The following LRRC69 variants were observed in gnomAD, a reference collection of about 807,000 sequenced individuals.
LRRC69 encodes leucine rich repeat containing 69.
A neutral mutation model predicts 37.8 loss-of-function variants in LRRC69; 42 were observed. That is an observed-to-expected ratio of 1.11 (90% CI 0.87 to 1.44). LRRC69 has a LOEUF of 1.44. Among genes scored for constraint, LRRC69 ranks in the 40% most tolerant of loss-of-function variants. The pLI is 0.00. For missense variants in LRRC69, 357 were observed against 401.9 expected, an observed-to-expected ratio of 0.89 and a Z score of 0.96; for synonymous variants, 141 against 143.1, an observed-to-expected ratio of 0.99 and a Z score of 0.11.
chr8:91,102,814 A>G (rs1330285267), exon 1 of LRRC69: 3 of 1,551,204 alleles, frequency 1.9e-6, no homozygotes, highest in East Asian at 2.4e-5. Flanking sequence ...TAATCCCCAA[A>G]GTGTGTCCAG....
intron 5 of LRRC69, among the ~76,000 whole-genome samples, chr8:91,183,206 G>C (rs969534378): frequency 6.6e-6 from 1 of 152,154 alleles, no homozygotes; most frequent in Non-Finnish European, 1.5e-5. Flanking sequence ...GTTTTATGTA[G>C]GTGGTGACAT....
intron 3 of LRRC69, among the ~76,000 whole-genome samples, chr8:91,131,833 CAG>C (rs1205201235): frequency 6.6e-6 from 1 of 151,996 alleles, no homozygotes; most frequent in Non-Finnish European, 1.5e-5. Flanking sequence ...CTCACACCTT[CAG>C]AGATTCCTTG....
At chr8:91,188,835 G>GTT (rs575348391) in intron 5 of LRRC69, among the ~76,000 whole-genome samples, 16 of 139,192 alleles carry the variant, frequency 1.1e-4, no homozygotes, top group South Asian at 2.3e-4. Context: ...TCCGTCTTCT[G>GTT]TTTTTTTTTT....
At chr8:91,137,308 T>C (rs1808439721) in intron 5 of LRRC69, among the ~76,000 whole-genome samples, 1 of 152,014 alleles carries the variant, frequency 6.6e-6, no homozygotes, top group Non-Finnish European at 1.5e-5. Flanking sequence ...GCTACTTCTA[T>C]GGTATCTTCT....
At chr8:91,166,371 T>C (rs1206027249) in intron 5 of LRRC69, among the ~76,000 whole-genome samples, 1 of 151,280 alleles carries the variant, frequency 6.6e-6, no homozygotes, top group Non-Finnish European at 1.5e-5. Context: ...TAGAAGGTGG[T>C]ATTATTGCTT....
At chr8:91,164,964 A>G (rs1809003142) in intron 5 of LRRC69, among the ~76,000 whole-genome samples, 1 of 151,698 alleles carries the variant, frequency 6.6e-6, no homozygotes, top group Admixed American at 6.6e-5. Flanking sequence ...TGATCTGTGA[A>G]TTCCTTCCTT....
intron 5 of LRRC69, among the ~76,000 whole-genome samples, chr8:91,153,650 T>C (rs1808781211): frequency 6.6e-6 from 1 of 151,806 alleles, no homozygotes; most frequent in African/African-American, 2.4e-5. Context: ...GAAATCAAAA[T>C]GTTCTTTGGA....
At chr8:91,128,642 CA>C (rs1813758683) in intron 3 of LRRC69, among the ~76,000 whole-genome samples, 1 of 152,010 alleles carries the variant, frequency 6.6e-6, no homozygotes, top group Non-Finnish European at 1.5e-5. Context: ...ATTGTTTTGA[CA>C]GTTAAGCAAA....
At chr8:91,171,092 A>G (rs1014966379) in intron 5 of LRRC69, among the ~76,000 whole-genome samples, 1 of 152,010 alleles carries the variant, frequency 6.6e-6, no homozygotes, top group Non-Finnish European at 1.5e-5. Flanking sequence ...GTGGGTGTAT[A>G]TAATTTTTTT....
At chr8:91,137,700 C>G (rs1808445768) in intron 5 of LRRC69, among the ~76,000 whole-genome samples, 1 of 152,036 alleles carries the variant, frequency 6.6e-6, no homozygotes, top group Non-Finnish European at 1.5e-5. Context: ...TATAAACACT[C>G]TCACATAAGA....
intron 7 of LRRC69, among the ~76,000 whole-genome samples, chr8:91,207,626 G>C (rs999825788): frequency 6.6e-6 from 1 of 152,194 alleles, no homozygotes; most frequent in African/African-American, 2.4e-5. Flanking sequence ...GGCTAGGGAG[G>C]CATTTAGAAT....
chr8:91,114,443 A>ATGTGTGTGTGTGTG (rs768028794), intron 1 of LRRC69, among the ~76,000 whole-genome samples: 2 of 66,896 alleles, frequency 3.0e-5, no homozygotes, highest in African/African-American at 6.1e-5. Context: ...ATGTTTGTGT[A>ATGTGTGTGTGTGTG]TGTGTGTGTG....
chr8:91,171,579 GA>G (rs1208255010), intron 5 of LRRC69, among the ~76,000 whole-genome samples: 2 of 152,044 alleles, frequency 1.3e-5, no homozygotes, highest in African/African-American at 4.8e-5. Flanking sequence ...CAGCTTTCTT[GA>G]AAGTCTTGAA....
intron 5 of LRRC69, among the ~76,000 whole-genome samples, chr8:91,161,058 A>G (rs1422462876): frequency 2.6e-5 from 4 of 151,126 alleles, no homozygotes; most frequent in Non-Finnish European, 5.9e-5. Context: ...TGATCATATG[A>G]TTTCTACCCT....
At chr8:91,135,958 T>C (rs1813905150) in intron 5 of LRRC69, among the ~76,000 whole-genome samples, 1 of 152,012 alleles carries the variant, frequency 6.6e-6, no homozygotes, top group South Asian at 2.1e-4. Flanking sequence ...TTAACTCTGA[T>C]TGCTATCACA....
At chr8:91,113,460 G>A (rs1225575780) in intron 1 of LRRC69, among the ~76,000 whole-genome samples, 1 of 151,986 alleles carries the variant, frequency 6.6e-6, no homozygotes, top group African/African-American at 2.4e-5. Flanking sequence ...AGCACACATT[G>A]GGGAAAGGAT....
intron 5 of LRRC69, among the ~76,000 whole-genome samples, chr8:91,139,734 G>A (rs1808499761): frequency 6.6e-6 from 1 of 151,652 alleles, no homozygotes; most frequent in Non-Finnish European, 1.5e-5. Flanking sequence ...TTTTTCACAC[G>A]ATACTATGTC....
At chr8:91,146,998 A>G (rs1176183368) in intron 5 of LRRC69, among the ~76,000 whole-genome samples, 2 of 151,508 alleles carry the variant, frequency 1.3e-5, no homozygotes, top group African/African-American at 4.8e-5. Context: ...GTTGAGATTG[A>G]GAAACTAGTT....
At chr8:91,114,074 C>G (rs1459542442) in intron 1 of LRRC69, among the ~76,000 whole-genome samples, 1 of 149,784 alleles carries the variant, frequency 6.7e-6, no homozygotes, top group Non-Finnish European at 1.5e-5. Flanking sequence ...CTCAACTTCA[C>G]TAATCATCAA....
Sources: gnomAD v4.1 joint callset for allele counts (sites outside exome capture counted in the v4.1 genomes callset) on GRCh38, gnomAD v4.1.1 for gene constraint, MANE v1.5 for transcripts, NCBI Gene and HGNC (gene_info 2026-07-23, HGNC 2026-07-21) for gene names.